ZNF541: variants seen among roughly 807,000 people sequenced by gnomAD.
ZNF541 encodes the protein zinc finger protein 541.
In ZNF541, 23 loss-of-function variants were observed where a neutral mutation model predicts 123.5. That is an observed-to-expected ratio of 0.19 (90% CI 0.13 to 0.26). The LOEUF (loss-of-function observed/expected upper bound fraction) is 0.26. Among genes scored for constraint, ZNF541 ranks in the 10% least tolerant of loss-of-function variants. The pLI is 1.00. For synonymous variants in ZNF541, 751 were observed against 754.5 expected, an observed-to-expected ratio of 1.00 and a Z score of 0.08; for missense variants, 1,612 against 1,789.9, an observed-to-expected ratio of 0.90 and a Z score of 1.79.
At position 47,544,310 on chromosome 19, in the gene ZNF541, C is replaced by G; in HGVS notation, c.2219G>C (p.Gly740Ala). Residue 740 changes from glycine to alanine, a missense_variant, in exon 5 of 17, where the codon GGT (glycine) becomes GCT (alanine). Coordinates refer to ENST00000391901, the MANE Select transcript of ZNF541 (RefSeq NM_001277075.3). Reference sequence around the variant, plus strand: ...GTTGCCCAAGAGCCGGTAGCCTCCACCCCGGGAGCAGGCTGGGCCCTTTTC... The same window carrying G: ...GTTGCCCAAGAGCCGGTAGCCTCCAGCCCGGGAGCAGGCTGGGCCCTTTTC... ...KGEKGPACSR[G>A]GGYRLLGNPR... The G allele has an allele frequency of 2.6e-6, 4 of 1,551,654 alleles. No homozygotes were observed. The highest frequency in any genetic ancestry group is 3.5e-6 in the Non-Finnish European group (4 of 1,147,012).
At chr19:47,548,442 CAAAAAAA>C (rs574466068) in intron 4 of ZNF541, among the ~76,000 whole-genome samples, 6 of 60,360 alleles carry the variant, frequency 9.9e-5, no homozygotes, top group Admixed American at 4.6e-4. Flanking sequence ...GACTCCATCT[CAAAAAAA>C]AAAAAAAAAA....
chr19:47,561,077 G>A (rs1460933889), intron 2 of ZNF541, among the ~76,000 whole-genome samples: 1 of 152,216 alleles, frequency 6.6e-6, no homozygotes, highest in Non-Finnish European at 1.5e-5. Context: ...ACCAGCAGTT[G>A]TGTGGTTTGT....
rs1186888100 is a variant in ZNF541, at chr19:47,544,169, G to A, written c.2360C>T (p.Ala787Val). The change falls in exon 5 of 17, where the codon GCA (alanine) becomes GTA (valine). Residue 787 changes from alanine (A) to valine (V), a missense_variant. Ala to Val is a moderately conservative substitution (Grantham distance 64, BLOSUM62 0). This residue lies in a region of ZNF541 where 1,080 missense variants were observed against 1,013.8 expected (regional missense o/e 1.07). Transcript: ENST00000391901. ...TGTCAGCTTGGACTTGGAGGGATCT[G>A]CCGGGGGCCCGGCCGATGAGAAGGA... Reference protein sequence around the residue: ...MASFSSAGPPADPSKSKLTIF... With the variant: ...MASFSSAGPPVDPSKSKLTIF... 11 of 1,551,686 alleles carry A rather than the reference G, an allele frequency of 7.1e-6. No homozygotes were observed. Among genetic ancestry groups the A allele is most frequent in the Non-Finnish European group, 9.6e-6 (11 of 1,146,976 alleles).
In ZNF541 at chr19:47,545,094, G is replaced by C; in HGVS notation, c.1435C>G (p.Leu479Val). Residue 479 changes from leucine to valine, a missense_variant, in exon 5 of 17, where the codon CTC becomes GTC. Transcript: ENST00000391901. The surrounding 1 kb of genome is among the most constrained non-coding windows in gnomAD (Gnocchi z 7.5). ...CTCGGGGCCTCCGCGGGGACCCTGA[G>C]GAGCGCGGCAGGGAAGGGCAGAGCA... ...EDALPFPAAL[L>V]RVPAEAPSDP... 6.7e-7 allele frequency: 1 copy of C among 1,481,622 alleles called. No individual in the cohort carries two copies. The allele number at this position is 1,481,622 out of a possible 1,614,324, so 91.8% of individuals were successfully genotyped here. A position where few individuals can be genotyped will look rare whatever the true frequency, so the allele number is the denominator to read the frequency against.
chr19:47,538,530 CG>C (rs1568492862), intron 8 of ZNF541, 91 bp from the exon 9 acceptor site: 1 of 1,330,034 alleles, frequency 7.5e-7, no homozygotes, highest in South Asian at 1.6e-5. Context: ...AAAAGGAGAC[CG>C]GCCAGAGACA....
At chr19:47,559,849 C>CA (rs36037649) in intron 2 of ZNF541, among the ~76,000 whole-genome samples, 15,658 of 86,630 alleles carry the variant, frequency 0.18, 1,079 homozygotes, top group East Asian at 0.3. Flanking sequence ...GACTCTGTCT[C>CA]AAAAAAAAAA....
At chr19:47,570,864 C>T (rs1347194862) in intron 2 of ZNF541, among the ~76,000 whole-genome samples, 1 of 150,320 alleles carries the variant, frequency 6.7e-6, no homozygotes, top group African/African-American at 2.4e-5. Flanking sequence ...AGGAGAATTG[C>T]TTGAACCCAG....
intron 3 of ZNF541, among the ~76,000 whole-genome samples, chr19:47,550,710 G>A (rs1263563978): frequency 2.0e-5 from 3 of 152,292 alleles, no homozygotes; most frequent in East Asian, 1.9e-4. Context: ...ACAGTGGTGC[G>A]ATCACAGCTC....
At chr19:47,533,228 C>T (rs1291853439) in intron 9 of ZNF541, among the ~76,000 whole-genome samples, 1 of 151,382 alleles carries the variant, frequency 6.6e-6, no homozygotes, top group Non-Finnish European at 1.5e-5. Flanking sequence ...AAAAAGTAGC[C>T]GGGCGTGGTA....
intron 14 of ZNF541, among the ~76,000 whole-genome samples, chr19:47,526,181 C>G (rs566215001): frequency 4.6e-5 from 7 of 151,990 alleles, no homozygotes; most frequent in South Asian, 2.1e-4. Context: ...TGCTGTAACT[C>G]AATAATAAAA....
intron 2 of ZNF541, among the ~76,000 whole-genome samples, chr19:47,558,117 T>C (rs1446707439): frequency 3.3e-5 from 5 of 151,736 alleles, no homozygotes; most frequent in African/African-American, 1.2e-4. Context: ...ATAAGAAGGA[T>C]TATAAAAGAA....
intron 12 of ZNF541, 122 bp from the exon 13 acceptor site, chr19:47,529,774 A>G (rs1308875053): frequency 2.1e-6 from 2 of 944,406 alleles, no homozygotes; most frequent in Non-Finnish European, 3.2e-6. Flanking sequence ...TCCCAGGGCT[A>G]TTCAAAGTTG....
In ZNF541 at chr19:47,533,359, C is replaced by CA. The variant is rs57243927; in HGVS notation, c.3095-388dup. Among the ~76,000 whole-genome samples the CA allele has an allele frequency of 8.7e-3, 164 of 18,750 alleles. 42 individuals carry two copies. The highest frequency in any genetic ancestry group is 0.011 in the African/African-American group (59 of 5,208). 12.3% of individuals were successfully genotyped at this position (18,750 alleles called of 152,430 possible). Reference sequence around the variant, plus strand: ...TGGGCGACAGAGCGAGACTCCATCTCAAAAAAAAAAAAAAAAAAAAAAAAA... The same window carrying CA: ...TGGGCGACAGAGCGAGACTCCATCTCAAAAAAAAAAAAAAAAAAAAAAAAAA... On this transcript the variant is annotated intron_variant, in intron 9 of 16. Coordinates refer to ENST00000391901, the MANE Select transcript of ZNF541 (RefSeq NM_001277075.3).
intron 14 of ZNF541, among the ~76,000 whole-genome samples, chr19:47,528,141 C>T (rs992423283): frequency 4.8e-5 from 7 of 144,460 alleles, no homozygotes; most frequent in African/African-American, 1.8e-4. Flanking sequence ...ATGGAGAAAC[C>T]CCATCTCTAC....
intron 14 of ZNF541, among the ~76,000 whole-genome samples, chr19:47,528,315 CAA>C (rs1241374840): frequency 6.9e-5 from 3 of 43,422 alleles, no homozygotes; most frequent in African/African-American, 1.6e-4. Context: ...AACTCCGTCT[CAA>C]AAAAAAAAAA....
intron 4 of ZNF541, 128 bp from the exon 5 acceptor site, chr19:47,546,108 C>A (rs909049068): frequency 2.5e-6 from 2 of 811,642 alleles, no homozygotes; most frequent in East Asian, 6.1e-5. Flanking sequence ...ACTCAGCCCC[C>A]ACGAGGAAAG....
chr19:47,556,377 G>A (rs1195741176), intron 2 of ZNF541, among the ~76,000 whole-genome samples: 2 of 152,186 alleles, frequency 1.3e-5, no homozygotes, highest in African/African-American at 4.8e-5. Context: ...ATCAGATACA[G>A]GGCCTAGAGC....
At chr19:47,564,298 GCC>G (rs1220433669) in intron 2 of ZNF541, among the ~76,000 whole-genome samples, 1 of 152,188 alleles carries the variant, frequency 6.6e-6, no homozygotes, top group Non-Finnish European at 1.5e-5. Context: ...AGACAGGCAA[GCC>G]AAAAGTCCAA....
intron 14 of ZNF541, among the ~76,000 whole-genome samples, chr19:47,525,558 C>T (rs1224891612): frequency 6.6e-6 from 1 of 152,118 alleles, no homozygotes; most frequent in Non-Finnish European, 1.5e-5. Flanking sequence ...ATACTTTACA[C>T]CATATACAAA....
Sources: allele counts gnomAD v4.1 joint callset (sites outside exome capture counted in the v4.1 genomes callset), GRCh38; gene constraint gnomAD v4.1.1; regional missense constraint gnomAD v4.1.1; non-coding constraint Gnocchi (gnomAD v3.1); transcripts MANE v1.5; gene names NCBI Gene and HGNC (gene_info 2026-07-23, HGNC 2026-07-21).